The following NXPH2 variants were observed in gnomAD, a reference collection of about 807,000 sequenced individuals.
NXPH2 encodes the protein neurexophilin 2.
Under a neutral mutation model 19.8 loss-of-function variants are expected in NXPH2, and 5 were observed. That is an observed-to-expected ratio of 0.25 (90% CI 0.13 to 0.53). The LOEUF is 0.53. NXPH2 is among the 20% of genes least tolerant of loss of function. NXPH2 has a pLI of 0.96. For missense variants in NXPH2, 289 were observed against 322.8 expected, an observed-to-expected ratio of 0.90 and a Z score of 0.80; for synonymous variants, 154 against 127.4, an observed-to-expected ratio of 1.21 and a Z score of -1.41.
chr2:138,722,123 TAGAC>T lies in NXPH2; in HGVS notation c.52-50462_52-50459del, dbSNP rs553974958. Among the ~76,000 whole-genome samples the T allele has an allele frequency of 5.2e-3, 794 of 152,308 alleles. 4 individuals are homozygous for T. Among genetic ancestry groups the T allele is most frequent in the Non-Finnish European group, 7.7e-3 (526 of 68,028 alleles). On this transcript the variant is annotated intron_variant, in intron 1 of 1. Transcript: ENST00000272641. ...CTCTCATGAAATTCACTAGTAGAAGTAGACAGAACAACAATAAACAAATACATAT... is the reference window on the plus strand; with the variant it reads ...CTCTCATGAAATTCACTAGTAGAAGTAGAACAACAATAAACAAATACATAT...
chr2:138,762,100 G>A (rs955556365), intron 1 of NXPH2, among the ~76,000 whole-genome samples: 14 of 152,202 alleles, frequency 9.2e-5, no homozygotes, highest in Non-Finnish European at 1.5e-5. Context: ...AGGAGCAGGT[G>A]TGAGGACAAA....
At chr2:138,771,307 G>C (rs1015123293) in intron 1 of NXPH2, among the ~76,000 whole-genome samples, 1 of 152,092 alleles carries the variant, frequency 6.6e-6, no homozygotes, top group Non-Finnish European at 1.5e-5. Flanking sequence ...AAAAAAGCTT[G>C]TTACAGAACA....
intron 1 of NXPH2, among the ~76,000 whole-genome samples, chr2:138,712,784 T>C (rs1681124023): frequency 6.6e-6 from 1 of 152,166 alleles, no homozygotes; most frequent in Admixed American, 6.5e-5. Flanking sequence ...GCTCTTATCT[T>C]CATGTGTGAA....
chr2:138,694,986 C>T (rs770836012), intron 1 of NXPH2, among the ~76,000 whole-genome samples: 1 of 152,066 alleles, frequency 6.6e-6, no homozygotes, highest in African/African-American at 2.4e-5. Flanking sequence ...GTACTGAATA[C>T]GGTAGGCAAT....
intron 1 of NXPH2, among the ~76,000 whole-genome samples, chr2:138,699,269 A>G (rs1344917558): frequency 1.3e-5 from 2 of 152,140 alleles, no homozygotes; most frequent in African/African-American, 2.4e-5. Flanking sequence ...CAGAACAAAT[A>G]AAAGTGTCTA....
At chr2:138,672,659 C>A (rs1680431810) in intron 1 of NXPH2, among the ~76,000 whole-genome samples, 1 of 152,152 alleles carries the variant, frequency 6.6e-6, no homozygotes, top group Non-Finnish European at 1.5e-5. Context: ...CCTCTTATCT[C>A]TAATGGCACA....
intron 1 of NXPH2, among the ~76,000 whole-genome samples, chr2:138,737,249 T>C (rs1681564300): frequency 6.6e-6 from 1 of 151,938 alleles, no homozygotes; most frequent in Non-Finnish European, 1.5e-5. Context: ...GAAAAAGAGG[T>C]TTAATAGACT....
In NXPH2 at chr2:138,770,434, C is replaced by T. The variant is rs1318278242; in HGVS notation, c.51+9757G>A. Among the ~76,000 whole-genome samples the T allele has an allele frequency of 2.6e-5, 4 of 152,032 alleles. 1 individual carries two copies. The highest frequency in any genetic ancestry group is 4.1e-4 in the South Asian group (2 of 4,822). ...TTAAAGTTGGAAACATGAGAACATGCTTAATTTCAGAATTATTCAATAATA... is the reference window on the plus strand; with the variant it reads ...TTAAAGTTGGAAACATGAGAACATGTTTAATTTCAGAATTATTCAATAATA... On this transcript the variant is annotated intron_variant, in intron 1 of 1. Transcript: ENST00000272641.
chr2:138,722,966 C>T lies in NXPH2; in HGVS notation c.52-51301G>A, dbSNP rs568506932. Reference sequence around the variant, plus strand: ...GTGATTTTTCAGCCATTGCTTATTGCCTGCTGTGTCCTTGTCTACTTGTTT... The same window carrying T: ...GTGATTTTTCAGCCATTGCTTATTGTCTGCTGTGTCCTTGTCTACTTGTTT... On this transcript the variant is annotated intron_variant, in intron 1 of 1. Transcript: ENST00000272641. Among the ~76,000 whole-genome samples, 14 of 152,236 alleles carry T rather than the reference C, an allele frequency of 9.2e-5. No homozygotes were observed. The South Asian group carries it at 2.9e-3, about 32-fold the overall frequency.
At chr2:138,686,145 C>A (rs993326101) in intron 1 of NXPH2, among the ~76,000 whole-genome samples, 37 of 152,134 alleles carry the variant, frequency 2.4e-4, no homozygotes, top group African/African-American at 8.5e-4. Flanking sequence ...AAGCAGTCAA[C>A]CAGGAAATAT....
At position 138,701,075 on chromosome 2, in the gene NXPH2, C is replaced by T. The variant is rs145835640; in HGVS notation, c.52-29410G>A. On this transcript the variant is annotated intron_variant, in intron 1 of 1. Coordinates refer to ENST00000272641, the MANE Select transcript of NXPH2 (RefSeq NM_007226.3). ...ATGATAATACCTTCTGGGGAAAAAG[C>T]GAAAGCAATCAAATAGGAAGCATGC... Among the ~76,000 whole-genome samples the T allele has an allele frequency of 2.7e-3, 418 of 152,150 alleles. 1 individual carries two copies. The highest frequency in any genetic ancestry group is 9.4e-3 in the African/African-American group (390 of 41,522).
chr2:138,778,993 T>C (rs542506851), intron 1 of NXPH2, among the ~76,000 whole-genome samples: 1 of 152,178 alleles, frequency 6.6e-6, no homozygotes, highest in South Asian at 2.1e-4. Flanking sequence ...CCTTTTAGAG[T>C]TCCTTCCACC....
chr2:138,768,492 C>T (rs762792425), intron 1 of NXPH2, among the ~76,000 whole-genome samples: 172 of 152,306 alleles, frequency 1.1e-3, no homozygotes, highest in Non-Finnish European at 2.1e-3. Flanking sequence ...ACCAACCAGG[C>T]TTTCTCAACC....
chr2:138,702,825 A>T (rs1680951508), intron 1 of NXPH2, among the ~76,000 whole-genome samples: 1 of 152,200 alleles, frequency 6.6e-6, no homozygotes, highest in Non-Finnish European at 1.5e-5. Context: ...GAGCAGACAA[A>T]TAAGCTTTAA....
chr2:138,779,535 G>T (rs1190499378), intron 1 of NXPH2, among the ~76,000 whole-genome samples: 3 of 151,900 alleles, frequency 2.0e-5, no homozygotes, highest in Admixed American at 1.3e-4. Context: ...AGACAGCTTC[G>T]AGATGCCCGA....
chr2:138,712,807 T>C (rs138907193), intron 1 of NXPH2, among the ~76,000 whole-genome samples: 1 of 152,208 alleles, frequency 6.6e-6, no homozygotes, highest in African/African-American at 2.4e-5. Context: ...GAAAACTCCA[T>C]GAAGACTAGA....
chr2:138,687,273 T>C (rs376462126), intron 1 of NXPH2, among the ~76,000 whole-genome samples: 1 of 152,236 alleles, frequency 6.6e-6, no homozygotes, highest in East Asian at 1.9e-4. Context: ...TATCTCATTG[T>C]GGTTTTGATT....
At chr2:138,708,528 G>A (rs915676476) in intron 1 of NXPH2, among the ~76,000 whole-genome samples, 11 of 152,176 alleles carry the variant, frequency 7.2e-5, no homozygotes, top group African/African-American at 2.7e-4. Context: ...CAATTTGAGT[G>A]AACATTGCTA....
chr2:138,723,747 C>G (rs912022766), intron 1 of NXPH2, among the ~76,000 whole-genome samples: 1 of 152,140 alleles, frequency 6.6e-6, no homozygotes, highest in Admixed American at 6.5e-5. Context: ...GAGAAGCTCA[C>G]CCACTCGCCC....
Sources: gnomAD v4.1 joint callset for allele counts (sites outside exome capture counted in the v4.1 genomes callset) on GRCh38, gnomAD v4.1.1 for gene constraint, MANE v1.5 for transcripts, NCBI Gene and HGNC (gene_info 2026-07-23, HGNC 2026-07-21) for gene names.